DOCK8: variants seen among roughly 807,000 people sequenced by gnomAD.
The protein encoded by DOCK8 is dedicator of cytokinesis protein 8.
A neutral mutation model predicts 245.6 loss-of-function variants in DOCK8; 141 were observed. The observed-to-expected ratio is 0.57, with a 90% CI of 0.50 to 0.66. The LOEUF (loss-of-function observed/expected upper bound fraction) is 0.66, where lower values mean the gene tolerates loss of function less well. DOCK8 is among the 30% of genes least tolerant of loss of function. DOCK8 has a pLI of 0.00. For synonymous variants in DOCK8, 1,168 were observed against 970.2 expected, an observed-to-expected ratio of 1.20 and a Z score of -3.79; for missense variants, 2,965 against 2,603.4, an observed-to-expected ratio of 1.14 and a Z score of -3.02.
At chr9:374,451 G>GTTTTTTTT (rs1563980130) in intron 18 of DOCK8, among the ~76,000 whole-genome samples, 1 of 83,594 alleles carries the variant, frequency 1.2e-5, no homozygotes, top group African/African-American at 4.2e-5. Flanking sequence ...TGGTCCTTTT[G>GTTTTTTTT]TGTTTTTTTT....
chr9:269,812 C>T (rs564324743), intron 1 of DOCK8, among the ~76,000 whole-genome samples: 14 of 152,208 alleles, frequency 9.2e-5, no homozygotes, highest in African/African-American at 3.4e-4. Flanking sequence ...CCCACTTCAG[C>T]CCCCCAAAAT....
intron 14 of DOCK8, among the ~76,000 whole-genome samples, chr9:356,169 T>C (rs1445585885): frequency 1.3e-5 from 2 of 152,162 alleles, no homozygotes; most frequent in Admixed American, 1.3e-4. Flanking sequence ...GGCTGCGAGT[T>C]AGGAAAGATA....
chr9:281,663 GTGT>G (rs1013278069), intron 2 of DOCK8, among the ~76,000 whole-genome samples: 2 of 152,004 alleles, frequency 1.3e-5, no homozygotes, highest in African/African-American at 4.8e-5. Context: ...GTGTGTGTGT[GTGT>G]TGACTGCCTC....
intron 22 of DOCK8, among the ~76,000 whole-genome samples, chr9:385,673 C>T (rs1490041285): frequency 6.6e-6 from 1 of 152,160 alleles, no homozygotes; most frequent in South Asian, 2.1e-4. Flanking sequence ...TACCCCTACC[C>T]CCCTGACAAC....
chr9:443,316 G>A, intron 42 of DOCK8, 111 bp from the exon 43 acceptor site: 1 of 1,029,896 alleles, frequency 9.7e-7, no homozygotes, highest in Non-Finnish European at 1.5e-6. Context: ...TCAATAATCA[G>A]TGAACATCAT....
chr9:365,946 G>A (rs574534230), intron 14 of DOCK8: 5 of 257,968 alleles, frequency 1.9e-5, no homozygotes, highest in South Asian at 1.3e-4. Context: ...CAGTCTTACC[G>A]ACCTGCATCA....
chr9:432,465 C>G (rs541704167), intron 37 of DOCK8, 141 bp downstream of exon 37: 3 of 803,450 alleles, frequency 3.7e-6, no homozygotes, highest in East Asian at 2.7e-5. Flanking sequence ...TGCATGTGCT[C>G]TCAGCACTCT....
At chr9:217,144 CTTG>C (rs1332062095) in intron 1 of DOCK8, among the ~76,000 whole-genome samples, 15 of 152,164 alleles carry the variant, frequency 9.9e-5, no homozygotes, top group Admixed American at 9.8e-4. Flanking sequence ...TGCAAAATGT[CTTG>C]TTAATGATTT....
At chr9:400,100 C>T (rs912703549) in intron 26 of DOCK8, among the ~76,000 whole-genome samples, 5 of 114,604 alleles carry the variant, frequency 4.4e-5, no homozygotes, top group African/African-American at 1.3e-4. Flanking sequence ...ACCATCACCA[C>T]CACCACCTCC....
intron 4 of DOCK8, among the ~76,000 whole-genome samples, chr9:298,380 A>T (rs746134506): frequency 3.9e-5 from 6 of 152,216 alleles, no homozygotes; most frequent in South Asian, 2.1e-4. Context: ...AGCCAAGATC[A>T]TGCCGCTGTA....
intron 9 of DOCK8, 108 bp downstream of exon 9, chr9:328,279 G>C: frequency 7.3e-7 from 1 of 1,374,152 alleles, no homozygotes; most frequent in South Asian, 1.2e-5. Flanking sequence ...CATATCCTCT[G>C]AGATTCACTT....
chr9:400,352 C>A (rs939696656), intron 26 of DOCK8, among the ~76,000 whole-genome samples: 1 of 59,190 alleles, frequency 1.7e-5, no homozygotes, highest in South Asian at 7.5e-4. Flanking sequence ...ACCACCACCA[C>A]CTCCTCCACC....
At chr9:370,063 A>G (rs2053214982) in intron 15 of DOCK8, 167 bp from the exon 16 acceptor site, 1 of 672,016 alleles carries the variant, frequency 1.5e-6, no homozygotes, top group African/African-American at 1.8e-5. Flanking sequence ...CCGACCTCCC[A>G]GAGTGCTGAG....
chr9:419,506 G>A (rs1384354064), intron 30 of DOCK8, among the ~76,000 whole-genome samples: 1 of 152,198 alleles, frequency 6.6e-6, no homozygotes, highest in African/African-American at 2.4e-5. Context: ...TAGTCCTTGT[G>A]AGGTTGTATC....
At chr9:223,467 C>T (rs2046927234) in intron 1 of DOCK8, among the ~76,000 whole-genome samples, 1 of 152,242 alleles carries the variant, frequency 6.6e-6, no homozygotes, top group South Asian at 2.1e-4. Context: ...CTTTCCCTGG[C>T]CTCATAGCCC....
At chr9:319,475 A>G (rs1027960120) in intron 7 of DOCK8, among the ~76,000 whole-genome samples, 3 of 152,246 alleles carry the variant, frequency 2.0e-5, no homozygotes, top group Non-Finnish European at 2.9e-5. Flanking sequence ...GAGATAGACC[A>G]AAAAGACAGC....
intron 2 of DOCK8, chr9:284,296 C>G (rs2048717122): frequency 6.6e-6 from 1 of 152,274 alleles, no homozygotes; most frequent in Admixed American, 6.5e-5. Flanking sequence ...CTAATGCAAA[C>G]TTAGTCCTCA....
At chr9:413,216 A>G (rs2055828058) in intron 28 of DOCK8, among the ~76,000 whole-genome samples, 1 of 152,196 alleles carries the variant, frequency 6.6e-6, no homozygotes, top group Non-Finnish European at 1.5e-5. Flanking sequence ...ACTCAAAAGA[A>G]TGAAGTTGGA....
intron 14 of DOCK8, among the ~76,000 whole-genome samples, chr9:346,730 A>G (rs1178961421): frequency 6.6e-6 from 1 of 152,154 alleles, no homozygotes; most frequent in Admixed American, 6.5e-5. Context: ...ATGTGCTCCC[A>G]TATCGCAGTG....
Sources: allele counts gnomAD v4.1 joint callset (sites outside exome capture counted in the v4.1 genomes callset), GRCh38; gene constraint gnomAD v4.1.1; transcripts MANE v1.5; gene names NCBI Gene and HGNC (gene_info 2026-07-23, HGNC 2026-07-21).